The following DNM3 variants were observed in gnomAD, a reference collection of about 807,000 sequenced individuals.
DNM3 encodes the protein dynamin 3.
In DNM3, 47 loss-of-function variants were observed where a neutral mutation model predicts 101.6. That is an observed-to-expected ratio of 0.46 (90% CI 0.37 to 0.59). The LOEUF (loss-of-function observed/expected upper bound fraction) is 0.59. Among genes scored for constraint, DNM3 ranks in the 20% least tolerant of loss-of-function variants. DNM3 has a pLI of 0.00. For missense variants in DNM3, 849 were observed against 1,085.7 expected (o/e 0.78, Z 3.06); for synonymous variants, 385 against 387.9 (o/e 0.99, Z 0.09).
chr1:172,159,741 C>G (rs1572768530), intron 14 of DNM3, among the ~76,000 whole-genome samples: 1 of 152,006 alleles, frequency 6.6e-6, no homozygotes, highest in East Asian at 1.9e-4. Flanking sequence ...CACTAAAAGG[C>G]TACACGAAAT....
intron 17 of DNM3, among the ~76,000 whole-genome samples, chr1:172,371,760 C>G (rs1236828607): frequency 6.6e-6 from 1 of 151,926 alleles, no homozygotes; most frequent in East Asian, 1.9e-4. Flanking sequence ...TACTGTTAAT[C>G]ACTATTCCAC....
chr1:172,400,765 A>G (rs1395347759), intron 20 of DNM3, among the ~76,000 whole-genome samples: 2 of 152,172 alleles, frequency 1.3e-5, no homozygotes, highest in African/African-American at 4.8e-5. Flanking sequence ...GGACAAAACA[A>G]GTCATTTGGT....
chr1:172,409,933 C>A lies in DNM3; in HGVS notation c.*2092C>A, dbSNP rs982532306. ...GTTCTTAGATCAGCACAAACCATGTCAAAAAAAATTGGAGATTTTTTTCCA... is the reference window on the plus strand; with the variant it reads ...GTTCTTAGATCAGCACAAACCATGTAAAAAAAAATTGGAGATTTTTTTCCA... On this transcript the variant is annotated 3_prime_UTR_variant, in exon 21 of 21. Transcript: ENST00000627582. 1 of 985,078 alleles carries A rather than the reference C, an allele frequency of 1.0e-6. No individual in the cohort carries two copies. The highest frequency in any genetic ancestry group is 1.8e-5 in the African/African-American group (1 of 57,102). 61.0% of individuals were successfully genotyped at this position (985,078 alleles called of 1,614,324 possible).
chr1:172,005,526 G>A (rs757185049), intron 4 of DNM3, among the ~76,000 whole-genome samples: 4 of 151,892 alleles, frequency 2.6e-5, no homozygotes, highest in Non-Finnish European at 4.4e-5. Context: ...ACTATCACTC[G>A]TCTAAGGCTC....
At chr1:172,149,406 A>G (rs1056853476) in intron 14 of DNM3, among the ~76,000 whole-genome samples, 2 of 152,178 alleles carry the variant, frequency 1.3e-5, no homozygotes, top group Non-Finnish European at 2.9e-5. Context: ...AAGTAAATAT[A>G]TGATTTATGA....
chr1:172,408,510 A>G lies in DNM3; in HGVS notation c.*669A>G, dbSNP rs767115372. ...GCTAGAAGCATATGCAACAGTGAAT[A>G]AAAGCTTCTTTTTTTGTTAATCAGT... is the stretch of plus-strand genomic sequence containing the variant. On this transcript the variant is annotated 3_prime_UTR_variant, in exon 21 of 21. Transcript: ENST00000627582. 7.1e-6 allele frequency: 7 copies of G among 985,294 alleles called. No homozygotes were observed. The highest frequency in any genetic ancestry group is 8.4e-6 in the Non-Finnish European group (7 of 829,908). 61.0% of individuals were successfully genotyped at this position (985,294 alleles called of 1,614,324 possible).
chr1:172,206,590 G>A (rs1192648311), intron 14 of DNM3, among the ~76,000 whole-genome samples: 1 of 152,000 alleles, frequency 6.6e-6, no homozygotes, highest in African/African-American at 2.4e-5. Flanking sequence ...ACAATTTGGT[G>A]CCACTGCTGT....
At chr1:171,880,566 A>G (rs942431161) in intron 1 of DNM3, among the ~76,000 whole-genome samples, 1 of 152,218 alleles carries the variant, frequency 6.6e-6, no homozygotes, top group Non-Finnish European at 1.5e-5. Flanking sequence ...AAGGTTAAAT[A>G]GCATACTCTG....
intron 1 of DNM3, among the ~76,000 whole-genome samples, chr1:171,884,033 G>A (rs983786746): frequency 1.3e-5 from 2 of 152,208 alleles, no homozygotes; most frequent in African/African-American, 4.8e-5. Flanking sequence ...ATCACAGGGA[G>A]CTGAGTGCCG....
chr1:172,146,032 G>A (rs1173017891), intron 14 of DNM3, among the ~76,000 whole-genome samples: 1 of 152,140 alleles, frequency 6.6e-6, no homozygotes, highest in Non-Finnish European at 1.5e-5. Context: ...ACAAGAGCTT[G>A]ATTAATTGCC....
chr1:171,899,241 A>T (rs949752493), intron 1 of DNM3, among the ~76,000 whole-genome samples: 3 of 152,146 alleles, frequency 2.0e-5, no homozygotes, highest in Non-Finnish European at 2.9e-5. Context: ...TACACACTGG[A>T]TCTGTAACTC....
intron 14 of DNM3, among the ~76,000 whole-genome samples, chr1:172,165,782 A>C (rs1219780776): frequency 1.3e-5 from 2 of 152,088 alleles, no homozygotes; most frequent in Non-Finnish European, 2.9e-5. Flanking sequence ...TTTAATATTC[A>C]TGTTATGTGC....
intron 14 of DNM3, among the ~76,000 whole-genome samples, chr1:172,199,790 A>G (rs1425782338): frequency 7.5e-6 from 1 of 133,710 alleles, no homozygotes; most frequent in Non-Finnish European, 1.6e-5. Flanking sequence ...TGAGCCTATG[A>G]TTGTCATTAC....
intron 1 of DNM3, among the ~76,000 whole-genome samples, chr1:171,887,708 A>T (rs2036901125): frequency 6.6e-6 from 1 of 152,108 alleles, no homozygotes; most frequent in Admixed American, 6.6e-5. Flanking sequence ...CATTTCTTTG[A>T]TAATCTCTAA....
intron 4 of DNM3, among the ~76,000 whole-genome samples, chr1:172,010,908 G>A (rs115844278): frequency 1.3e-5 from 2 of 151,512 alleles, no homozygotes; most frequent in African/African-American, 4.8e-5. Context: ...GGATTCTATT[G>A]ACAGATATTT....
At chr1:171,984,153 T>G (rs1052717026) in intron 2 of DNM3, among the ~76,000 whole-genome samples, 1 of 152,312 alleles carries the variant, frequency 6.6e-6, no homozygotes, top group African/African-American at 2.4e-5. Context: ...CACCCTGGTC[T>G]AAGCCTCAGC....
chr1:172,312,248 T>G (rs532439497), intron 16 of DNM3, among the ~76,000 whole-genome samples: 74 of 152,324 alleles, frequency 4.9e-4, no homozygotes, highest in African/African-American at 1.6e-3. Flanking sequence ...AACCATTGAG[T>G]CTACAAATCA....
rs141950487 is a variant in DNM3, at chr1:171,847,879, A to ACT, written c.161+6079_161+6080dup. ...AGGGTTCATTAATACCATATTAATT[A>ACT]CTCTCTCTCTCTCTCTCTGTGTGTG... On this transcript the variant is annotated intron_variant, in intron 1 of 20. Transcript: ENST00000627582. 6.3e-3 allele frequency among the ~76,000 whole-genome samples: 891 copies of ACT among 140,442 alleles called. 16 individuals are homozygous for ACT. The highest frequency in any genetic ancestry group is 0.021 in the African/African-American group (783 of 37,794). The allele number at this position is 140,442 out of a possible 152,430, so 92.1% of individuals were successfully genotyped here.
intron 13 of DNM3, among the ~76,000 whole-genome samples, chr1:172,113,357 C>T (rs1310828265): frequency 6.6e-6 from 1 of 152,032 alleles, no homozygotes; most frequent in Non-Finnish European, 1.5e-5. Flanking sequence ...CTGCCACTCC[C>T]CCACTTTTTT....
Sources: allele counts gnomAD v4.1 joint callset (sites outside exome capture counted in the v4.1 genomes callset), GRCh38; gene constraint gnomAD v4.1.1; transcripts MANE v1.5; gene names NCBI Gene and HGNC (gene_info 2026-07-23, HGNC 2026-07-21).